The following ZNF521 variants were observed in gnomAD, a reference collection of about 807,000 sequenced individuals.
ZNF521 encodes LYST-interacting protein 3.
ZNF521 carries 14 observed loss-of-function variants against 105.5 expected under a neutral mutation model. The observed-to-expected ratio is 0.13, with a 90% CI of 0.09 to 0.21. The LOEUF (loss-of-function observed/expected upper bound fraction) is 0.21, where lower values mean the gene tolerates loss of function less well. Among genes scored for constraint, ZNF521 ranks in the 10% least tolerant of loss-of-function variants. The pLI is 1.00. For synonymous variants in ZNF521, 635 were observed against 606.0 expected (o/e 1.05, Z -0.70); for missense variants, 1,233 against 1,629.7 (o/e 0.76, Z 4.19).
At chr18:25,081,905 G>A (rs905395750) in intron 7 of ZNF521, among the ~76,000 whole-genome samples, 1 of 152,168 alleles carries the variant, frequency 6.6e-6, no homozygotes, top group African/African-American at 2.4e-5. Flanking sequence ...TGTCCTGTTT[G>A]TGTCCTATGT....
intron 2 of ZNF521, among the ~76,000 whole-genome samples, chr18:25,349,703 C>A (rs539437756): frequency 3.3e-5 from 5 of 151,568 alleles, no homozygotes; most frequent in African/African-American, 1.2e-4. Flanking sequence ...GCGCCGCGGC[C>A]CGGCAGCCAG....
chr18:25,261,794 C>T (rs990945325), intron 3 of ZNF521, among the ~76,000 whole-genome samples: 2 of 152,052 alleles, frequency 1.3e-5, no homozygotes, highest in African/African-American at 2.4e-5. Context: ...TAAAGGAAAG[C>T]GGCTCTGCTG....
intron 5 of ZNF521, among the ~76,000 whole-genome samples, chr18:25,153,563 G>T (rs550154330): frequency 5.9e-5 from 9 of 152,284 alleles, no homozygotes; most frequent in Non-Finnish European, 1.0e-4. Context: ...AGTCTGGCTA[G>T]GTCTTTGGAT....
intron 2 of ZNF521, among the ~76,000 whole-genome samples, chr18:25,326,418 A>G (rs994915550): frequency 6.6e-6 from 1 of 152,220 alleles, no homozygotes; most frequent in African/African-American, 2.4e-5. Context: ...CAGGCAAGGA[A>G]TATTTCTGCA....
chr18:25,135,371 T>C (rs2144410756), intron 5 of ZNF521, among the ~76,000 whole-genome samples: 1 of 152,032 alleles, frequency 6.6e-6, no homozygotes, highest in African/African-American at 2.4e-5. Flanking sequence ...TCCAACCTGC[T>C]TGTTTTCCTT....
In ZNF521 at chr18:25,242,927, A is replaced by G. The variant is rs143337360; in HGVS notation, c.221-15230T>C. Reference sequence around the variant, plus strand: ...CATCGTGTTACAATACGTTCTCACTAGATTTTGGGTTTCTTCAACAAAAGA... The same window carrying G: ...CATCGTGTTACAATACGTTCTCACTGGATTTTGGGTTTCTTCAACAAAAGA... On this transcript the variant is annotated intron_variant, in intron 3 of 7. Transcript: ENST00000361524. Among the ~76,000 whole-genome samples the G allele has an allele frequency of 6.6e-5, 10 of 152,324 alleles. No homozygotes were observed. In the East Asian group the frequency reaches 1.9e-3, roughly 29 times the overall value.
intron 4 of ZNF521, among the ~76,000 whole-genome samples, chr18:25,197,099 C>A (rs1288235382): frequency 6.6e-6 from 1 of 151,808 alleles, no homozygotes; most frequent in Non-Finnish European, 1.5e-5. Context: ...CTACTATCTT[C>A]AAAATGAACT....
chr18:25,075,772 G>A (rs1251338874), intron 7 of ZNF521, among the ~76,000 whole-genome samples: 1 of 152,166 alleles, frequency 6.6e-6, no homozygotes, highest in Admixed American at 6.6e-5. Context: ...CTGAATCCAC[G>A]CACGGCGCAG....
At chr18:25,246,633 T>C (rs1032776720) in intron 3 of ZNF521, among the ~76,000 whole-genome samples, 24 of 152,214 alleles carry the variant, frequency 1.6e-4, no homozygotes, top group Non-Finnish European at 2.9e-5. Flanking sequence ...CACCCTCTCT[T>C]AAAGTAACAT....
intron 3 of ZNF521, among the ~76,000 whole-genome samples, chr18:25,290,066 A>T (rs180810396): frequency 6.6e-6 from 1 of 152,366 alleles, no homozygotes; most frequent in African/African-American, 2.4e-5. Flanking sequence ...TGCTAAAATG[A>T]TGAATAAAAT....
chr18:25,208,990 T>C (rs1043535789), intron 4 of ZNF521, among the ~76,000 whole-genome samples: 1 of 152,240 alleles, frequency 6.6e-6, no homozygotes, highest in Non-Finnish European at 1.5e-5. Flanking sequence ...TCCTTAGATC[T>C]ATCTTAAAAT....
intron 3 of ZNF521, among the ~76,000 whole-genome samples, chr18:25,295,502 T>C (rs926130860): frequency 6.6e-6 from 1 of 152,152 alleles, no homozygotes; most frequent in Non-Finnish European, 1.5e-5. Context: ...AGATAAATGC[T>C]TAAGGTGACA....
chr18:25,350,860 G>C, intron 2 of ZNF521, 47 bp downstream of exon 2: 1 of 1,540,546 alleles, frequency 6.5e-7, no homozygotes, highest in Non-Finnish European at 8.8e-7. Flanking sequence ...TACCCACAGT[G>C]ACACTCGCGG....
At chr18:25,341,751 C>G (rs4594329) in intron 2 of ZNF521, among the ~76,000 whole-genome samples, 2 of 152,000 alleles carry the variant, frequency 1.3e-5, no homozygotes, top group African/African-American at 4.8e-5. Flanking sequence ...ACCATACACA[C>G]GTACGTCCTT....
intron 5 of ZNF521, among the ~76,000 whole-genome samples, chr18:25,147,961 T>C (rs930290300): frequency 6.6e-6 from 1 of 152,048 alleles, no homozygotes; most frequent in Non-Finnish European, 1.5e-5. Flanking sequence ...AAGGGCTGAG[T>C]TCTACCCCCA....
At chr18:25,291,637 C>T (rs893896391) in intron 3 of ZNF521, among the ~76,000 whole-genome samples, 1 of 152,090 alleles carries the variant, frequency 6.6e-6, no homozygotes, top group African/African-American at 2.4e-5. Context: ...ATTCAAACAC[C>T]CAAAGATCCC....
In ZNF521 at chr18:25,078,912, A is replaced by ATT. The variant is rs2033427507; in HGVS notation, c.3906+10552_3906+10553insAA. On this transcript the variant is annotated intron_variant, in intron 7 of 7. Coordinates refer to ENST00000361524, the MANE Select transcript of ZNF521 (RefSeq NM_015461.3). ...GAGGTGGGAGAGAACACAAAGGGAT[A>ATT]GGACAGAGTGGGAACAAACCACCTA... 3.9e-5 allele frequency among the ~76,000 whole-genome samples: 6 copies of ATT among 152,346 alleles called. No homozygotes were observed. The South Asian group carries it at 1.2e-3, about 32-fold the overall frequency.
At chr18:25,328,502 T>C (rs2145167304) in intron 2 of ZNF521, among the ~76,000 whole-genome samples, 1 of 152,010 alleles carries the variant, frequency 6.6e-6, no homozygotes, top group Non-Finnish European at 1.5e-5. Flanking sequence ...ATCAGAAAGA[T>C]ATACCCAAGT....
At chr18:25,164,476 T>G (rs1419656384) in intron 5 of ZNF521, among the ~76,000 whole-genome samples, 1 of 152,226 alleles carries the variant, frequency 6.6e-6, no homozygotes, top group Non-Finnish European at 1.5e-5. Flanking sequence ...TATCATGCAT[T>G]TTGACCACAT....
Sources: gnomAD v4.1 joint callset for allele counts (sites outside exome capture counted in the v4.1 genomes callset) on GRCh38, gnomAD v4.1.1 for gene constraint, MANE v1.5 for transcripts, NCBI Gene and HGNC (gene_info 2026-07-23, HGNC 2026-07-21) for gene names.